The following SLC35D1 variants were observed in gnomAD, a reference collection of about 807,000 sequenced individuals.
SLC35D1 encodes the protein nucleotide sugar transporter SLC35D1.
SLC35D1 carries 31 observed loss-of-function variants against 46.7 expected under a neutral mutation model. That is an observed-to-expected ratio of 0.66 (90% CI 0.50 to 0.90). The LOEUF (loss-of-function observed/expected upper bound fraction) is 0.90, where lower values mean the gene tolerates loss of function less well. Ranked by LOEUF, SLC35D1 falls within the 40% of genes least tolerant of loss-of-function variation. The pLI is 0.00. For missense variants in SLC35D1, 397 were observed against 426.2 expected (o/e 0.93, Z 0.60); for synonymous variants, 195 against 164.6 (o/e 1.18, Z -1.41).
the SLC35D1 span, chr1:66,986,051 C>CA: frequency 1.2e-5 from 12 of 1,005,296 alleles, no homozygotes; most frequent in African/African-American, 2.1e-4. Flanking sequence ...ATTAAATAAA[C>CA]AGAGGAGGGG....
At chr1:66,976,231 T>C in the SLC35D1 span, among the ~76,000 whole-genome samples, 2 of 151,052 alleles carry the variant, frequency 1.3e-5, no homozygotes, top group Non-Finnish European at 2.9e-5. Flanking sequence ...CTTGAACTCC[T>C]GACCTCGTGA....
chr1:66,975,913 G>A, the SLC35D1 span, among the ~76,000 whole-genome samples: 16 of 152,258 alleles, frequency 1.1e-4, no homozygotes, highest in Middle Eastern at 3.4e-3. Context: ...CTAGGTACCC[G>A]TACTCTGTGA....
At chr1:67,053,122 A>C in intron 1 of SLC35D1, 133 bp from the exon 2 acceptor site, 2 of 1,080,998 alleles carry the variant, frequency 1.9e-6, no homozygotes, top group Non-Finnish European at 1.4e-6. Context: ...TAAATCAAAC[A>C]AAAATCTTGG....
intron 8 of SLC35D1, among the ~76,000 whole-genome samples, chr1:67,033,054 T>A (rs181430905): frequency 6.6e-6 from 1 of 152,330 alleles, no homozygotes; most frequent in African/African-American, 2.4e-5. Flanking sequence ...GTTCCATCCA[T>A]GTTGTTGCAA....
At chr1:67,009,251 C>T in intron 10 of SLC35D1, 84 bp from the exon 11 acceptor site, 1 of 486,864 alleles carries the variant, frequency 2.1e-6, no homozygotes. Flanking sequence ...AATATCTGTC[C>T]TTAAAATACA....
At chr1:66,977,769 G>A in the SLC35D1 span, among the ~76,000 whole-genome samples, 1 of 151,896 alleles carries the variant, frequency 6.6e-6, no homozygotes, top group African/African-American at 2.4e-5. Flanking sequence ...ACTTTACAGT[G>A]CTATCCTTAA....
At chr1:66,975,030 T>C in the SLC35D1 span, among the ~76,000 whole-genome samples, 21 of 152,192 alleles carry the variant, frequency 1.4e-4, no homozygotes, top group African/African-American at 4.8e-4. Flanking sequence ...TCCTGATTGC[T>C]GTCAGTCTCA....
chr1:67,054,004 C>T lies in SLC35D1; in HGVS notation c.10G>A (p.Val4Ile). MAE[V>I]HRRQHARVKG... is the part of the protein sequence containing the mutation. ...ACCCGAGCATGCTGACGTCTATGAA[C>T]TTCCGCCATGGCTGCCGCAGCAGCG... Residue 4 changes from valine to isoleucine, a missense_variant, in exon 1 of 12, where the codon GTT (valine) becomes ATT (isoleucine). Physicochemically the swap from Val to Ile is conservative, Grantham distance 29 (BLOSUM62 3). Coordinates refer to ENST00000235345, the MANE Select transcript of SLC35D1 (RefSeq NM_015139.3). The T allele has an allele frequency of 6.2e-7, 1 of 1,610,454 alleles. No homozygotes were observed. Among genetic ancestry groups the T allele is most frequent in the Non-Finnish European group, 8.5e-7 (1 of 1,178,220 alleles).
At chr1:66,980,608 C>G in the SLC35D1 span, among the ~76,000 whole-genome samples, 2 of 152,156 alleles carry the variant, frequency 1.3e-5, no homozygotes, top group African/African-American at 4.8e-5. Flanking sequence ...TTACCCTGCT[C>G]ACAAAATTCT....
the SLC35D1 span, chr1:66,985,001 T>C: frequency 7.0e-7 from 1 of 1,430,400 alleles, no homozygotes; most frequent in Non-Finnish European, 9.2e-7. Context: ...TGAAGCAGTT[T>C]GAAAATTTGA....
intron 10 of SLC35D1, among the ~76,000 whole-genome samples, chr1:67,015,180 A>G (rs1232491980): frequency 6.7e-6 from 1 of 149,210 alleles, no homozygotes; most frequent in Non-Finnish European, 1.5e-5. Context: ...AAAAAAAAAA[A>G]AAGATTTTGC....
intron 8 of SLC35D1, among the ~76,000 whole-genome samples, chr1:67,021,969 G>A (rs1433792569): frequency 1.3e-5 from 2 of 152,124 alleles, no homozygotes; most frequent in Non-Finnish European, 1.5e-5. Flanking sequence ...CTTTCAGATG[G>A]CTATTAATGT....
chr1:66,997,857 A>G (rs1416322841), downstream of SLC35D1, among the ~76,000 whole-genome samples: 1 of 149,876 alleles, frequency 6.7e-6, no homozygotes, highest in Non-Finnish European at 1.5e-5. Flanking sequence ...TTAGACATAT[A>G]TATCTAAGGG....
At chr1:66,982,654 T>C in the SLC35D1 span, among the ~76,000 whole-genome samples, 15 of 152,190 alleles carry the variant, frequency 9.9e-5, no homozygotes, top group Admixed American at 2.6e-4. Context: ...GATAGGAGAG[T>C]ACCAGTGAAG....
At chr1:66,976,093 G>A in the SLC35D1 span, among the ~76,000 whole-genome samples, 4 of 151,574 alleles carry the variant, frequency 2.6e-5, no homozygotes, top group Non-Finnish European at 5.9e-5. Flanking sequence ...CCCACCCCCT[G>A]CTGGGGTTCA....
intron 7 of SLC35D1, among the ~76,000 whole-genome samples, 180 bp downstream of exon 7, chr1:67,047,085 C>T (rs558120857): frequency 5.9e-5 from 9 of 152,256 alleles, no homozygotes; most frequent in East Asian, 5.8e-4. Context: ...AACCTAATTG[C>T]TAATTAATTA....
chr1:66,981,696 TAAGA>T, the SLC35D1 span: 1 of 1,075,082 alleles, frequency 9.3e-7, no homozygotes, highest in Non-Finnish European at 1.4e-6. Context: ...ATATATTTGT[TAAGA>T]AAGCCTTCTG....
chr1:67,045,002 T>G (rs539594315), intron 7 of SLC35D1, among the ~76,000 whole-genome samples: 2 of 151,858 alleles, frequency 1.3e-5, no homozygotes, highest in East Asian at 3.9e-4. Flanking sequence ...CAAGCATCAG[T>G]GTAAAGGTGT....
intron 1 of SLC35D1, among the ~76,000 whole-genome samples, 187 bp from the exon 2 acceptor site, chr1:67,053,176 G>A (rs1318577349): frequency 2.0e-5 from 3 of 152,146 alleles, no homozygotes; most frequent in African/African-American, 7.2e-5. Flanking sequence ...CCCCGCTGAT[G>A]TAGCCTCGGG....
Sources: gnomAD v4.1 joint callset for allele counts (sites outside exome capture counted in the v4.1 genomes callset) on GRCh38, gnomAD v4.1.1 for gene constraint, MANE v1.5 for transcripts, NCBI Gene and HGNC (gene_info 2026-07-23, HGNC 2026-07-21) for gene names.